The following NPL variants were observed in gnomAD, a reference collection of about 807,000 sequenced individuals.
The protein encoded by NPL is N-acetylneuraminate lyase.
A neutral mutation model predicts 41.1 loss-of-function variants in NPL; 32 were observed. The ratio of observed to expected loss-of-function variants is 0.78; its 90% CI spans 0.59 to 1.05. The LOEUF is 1.05. Ranked by LOEUF, NPL falls within the 50% of genes least tolerant of loss-of-function variation. NPL has a pLI of 0.00. For missense variants in NPL, 321 were observed against 378.4 expected (o/e 0.85, Z 1.26); for synonymous variants, 128 against 134.9 (o/e 0.95, Z 0.35).
At chr1:182,794,024 G>C (rs895743870) in intron 2 of NPL, among the ~76,000 whole-genome samples, 4 of 152,170 alleles carry the variant, frequency 2.6e-5, no homozygotes, top group Admixed American at 2.6e-4. Flanking sequence ...ATAATTCACT[G>C]TATGTTTTAC....
chr1:182,810,252 T>C lies in NPL; in HGVS notation c.231-1904T>C, dbSNP rs569864954. ...ATGACCAGTCTCACTGTGGCCTCTCTCTCCCCAGATGGGAACATGGTATAC... is the reference window on the plus strand; with the variant it reads ...ATGACCAGTCTCACTGTGGCCTCTCCCTCCCCAGATGGGAACATGGTATAC... On this transcript the variant is annotated intron_variant, in intron 5 of 12. Transcript: ENST00000367553. Among the ~76,000 whole-genome samples the C allele has an allele frequency of 2.6e-5, 4 of 152,266 alleles. No homozygotes were observed. The South Asian group carries it at 8.3e-4, about 32-fold the overall frequency.
At chr1:182,818,926 C>A in intron 10 of NPL, 67 bp downstream of exon 10, 1 of 1,323,976 alleles carries the variant, frequency 7.6e-7, no homozygotes, top group Non-Finnish European at 1.1e-6. Flanking sequence ...ACCAAAGTAG[C>A]TGTATTTCTT....
intron 3 of NPL, among the ~76,000 whole-genome samples, chr1:182,798,324 C>T (rs1666735207): frequency 6.6e-6 from 1 of 150,700 alleles, no homozygotes; most frequent in African/African-American, 2.5e-5. Context: ...CCCTCCCAAG[C>T]TCAAGTGATT....
In NPL at chr1:182,811,939, A is replaced by G. The variant is rs545262958; in HGVS notation, c.231-217A>G. 9.5e-4 allele frequency among the ~76,000 whole-genome samples: 145 copies of G among 152,248 alleles called. 4 individuals carry two copies. The highest frequency in any genetic ancestry group is 2.1e-4 in the South Asian group (1 of 4,828). ...CCTAGGCACAGTCAAATCACAACCA[A>G]CCTCTCAGTAACATGACAAGACTTT... On this transcript the variant is annotated intron_variant, in intron 5 of 12. Transcript: ENST00000367553.
At chr1:182,810,796 C>T (rs572293974) in intron 5 of NPL, among the ~76,000 whole-genome samples, 2 of 151,916 alleles carry the variant, frequency 1.3e-5, no homozygotes, top group Non-Finnish European at 2.9e-5. Context: ...CTGTGTTTTA[C>T]CTGCATGAAC....
At chr1:182,819,195 G>T (rs998853557) in intron 10 of NPL, among the ~76,000 whole-genome samples, 1 of 151,998 alleles carries the variant, frequency 6.6e-6, no homozygotes, top group Non-Finnish European at 1.5e-5. Flanking sequence ...AGTGGCTCAC[G>T]CCTGTAATCC....
chr1:182,804,408 G>A (rs112370772), intron 4 of NPL, among the ~76,000 whole-genome samples: 1,621 of 152,278 alleles, frequency 0.011, 35 homozygotes, highest in African/African-American at 0.037. Flanking sequence ...GATTACAGGC[G>A]TGAGCCACCG....
chr1:182,808,050 T>C (rs1485781592), intron 5 of NPL, among the ~76,000 whole-genome samples: 2 of 152,074 alleles, frequency 1.3e-5, no homozygotes, highest in Non-Finnish European at 1.5e-5. Flanking sequence ...GCAGGGGCCA[T>C]AGAGCCCGAC....
chr1:182,806,641 T>C, intron 5 of NPL: 1 of 1,240,944 alleles, frequency 8.1e-7, no homozygotes, highest in Admixed American at 2.3e-5. Flanking sequence ...ATTGGCCCAC[T>C]TCTCCTGACA....
At chr1:182,825,716 C>T in intron 11 of NPL, 65 bp from the exon 12 acceptor site, 1 of 1,125,834 alleles carries the variant, frequency 8.9e-7, no homozygotes, top group East Asian at 2.3e-5. Flanking sequence ...AATTTGACTT[C>T]TACATTATTT....
chr1:182,800,194 G>A (rs1666797014), intron 3 of NPL, among the ~76,000 whole-genome samples: 1 of 152,038 alleles, frequency 6.6e-6, no homozygotes, highest in Non-Finnish European at 1.5e-5. Context: ...CCAGCACTTT[G>A]GGAGGCCGAG....
At chr1:182,824,636 A>C (rs1377481716) in intron 11 of NPL, among the ~76,000 whole-genome samples, 1 of 152,024 alleles carries the variant, frequency 6.6e-6, no homozygotes, top group Non-Finnish European at 1.5e-5. Context: ...TCTCTACTAA[A>C]AATACAAAAA....
chr1:182,806,024 A>G, intron 4 of NPL, 121 bp from the exon 5 acceptor site: 2 of 1,131,668 alleles, frequency 1.8e-6, no homozygotes, highest in Non-Finnish European at 2.6e-6. Context: ...AAATGGAAAC[A>G]TGGCATTTTC....
At chr1:182,815,328 A>G (rs1667293048) in intron 7 of NPL, among the ~76,000 whole-genome samples, 1 of 152,158 alleles carries the variant, frequency 6.6e-6, no homozygotes, top group African/African-American at 2.4e-5. Context: ...CTCTTTCTCT[A>G]CTGTCTTCTC....
At chr1:182,804,583 T>C (rs1184008284) in intron 4 of NPL, among the ~76,000 whole-genome samples, 1 of 152,226 alleles carries the variant, frequency 6.6e-6, no homozygotes, top group East Asian at 1.9e-4. Flanking sequence ...AAATTAGATC[T>C]TGAACATTTT....
chr1:182,829,056 C>T lies in NPL; in HGVS notation c.*148C>T. 1 of 1,470,258 alleles carries T rather than the reference C, an allele frequency of 6.8e-7. No homozygotes were observed. Among genetic ancestry groups the T allele is most frequent in the South Asian group, 1.4e-5 (1 of 71,602 alleles). 91.1% of individuals were successfully genotyped at this position (1,470,258 alleles called of 1,614,324 possible). On this transcript the variant is annotated 3_prime_UTR_variant, in exon 13 of 13. Transcript: ENST00000367553. ...AAGCATTGAGGTACCTTTTGTGAGC[C>T]TTAAAAAGTCTTATTTTGTGAAGGG...
chr1:182,806,490 C>T (rs1402077258), intron 5 of NPL: 1 of 1,536,126 alleles, frequency 6.5e-7, no homozygotes, highest in African/African-American at 1.4e-5. Flanking sequence ...TACCTGTCTA[C>T]AAGGCCAGTC....
chr1:182,813,633 C>T (rs550379906), intron 6 of NPL, among the ~76,000 whole-genome samples: 3 of 152,116 alleles, frequency 2.0e-5, no homozygotes, highest in Admixed American at 6.5e-5. Flanking sequence ...TTGGACTGAA[C>T]ACCCGAATAG....
chr1:182,794,471 G>T, intron 3 of NPL, 32 bp downstream of exon 3: 2 of 1,601,950 alleles, frequency 1.2e-6, no homozygotes, highest in East Asian at 4.5e-5. Flanking sequence ...GAGGGGATCA[G>T]TTCTCATTCA....
Sources: allele counts gnomAD v4.1 joint callset (sites outside exome capture counted in the v4.1 genomes callset), GRCh38; gene constraint gnomAD v4.1.1; transcripts MANE v1.5; gene names NCBI Gene and HGNC (gene_info 2026-07-23, HGNC 2026-07-21).